PGR: variants seen among roughly 807,000 people sequenced by gnomAD.
PGR encodes progesterone receptor.
Under a neutral mutation model 76.1 loss-of-function variants are expected in PGR, and 25 were observed. The observed-to-expected ratio is 0.33, with a 90% CI of 0.24 to 0.46. PGR has a LOEUF of 0.46. Ranked by LOEUF, PGR falls within the 20% of genes least tolerant of loss-of-function variation. PGR has a pLI of 1.00. For synonymous variants in PGR, 579 were observed against 535.0 expected, an observed-to-expected ratio of 1.08 and a Z score of -1.14; for missense variants, 1,172 against 1,225.3, an observed-to-expected ratio of 0.96 and a Z score of 0.65.
chr11:101,114,331 C>CAA (rs1565365399), intron 2 of PGR, among the ~76,000 whole-genome samples: 1 of 152,068 alleles, frequency 6.6e-6, no homozygotes, highest in African/African-American at 2.4e-5. Context: ...AATCCAGGCA[C>CAA]AAAACGGCAT....
At position 101,032,853 on chromosome 11, in the gene PGR, A is replaced by G. The variant is rs1391208364; in HGVS notation, c.*6263T>C. ...GACGGGAACACTGGTAATCTCCACA[A>G]TCTAGCAGAGTGACTGGCATACAGC... On this transcript the variant is annotated 3_prime_UTR_variant, in exon 8 of 8. Transcript: ENST00000325455. 4.3e-5 allele frequency: 8 copies of G among 187,910 alleles called. No individual in the cohort carries two copies. Among genetic ancestry groups the G allele is most frequent in the East Asian group, 2.6e-4 (3 of 11,674 alleles). The allele number at this position is 187,910 out of a possible 1,614,324, so 11.6% of individuals were successfully genotyped here.
intron 2 of PGR, among the ~76,000 whole-genome samples, chr11:101,112,367 G>A (rs7106686): frequency 0.19 from 28,532 of 151,996 alleles, 3,254 homozygotes; most frequent in African/African-American, 0.32. Context: ...TAAATGTTGC[G>A]GGAGGATTGG....
chr11:101,101,841 T>C (rs781300697), intron 2 of PGR, among the ~76,000 whole-genome samples: 2 of 152,254 alleles, frequency 1.3e-5, no homozygotes, highest in South Asian at 2.1e-4. Flanking sequence ...TAAAACATTA[T>C]GAGTTTTAAT....
intron 3 of PGR, among the ~76,000 whole-genome samples, chr11:101,064,658 CTTTA>C (rs1019211616): frequency 6.6e-6 from 1 of 152,050 alleles, no homozygotes; most frequent in African/African-American, 2.4e-5. Flanking sequence ...TGTTTGTCAC[CTTTA>C]TTTATTTTTT....
intron 3 of PGR, among the ~76,000 whole-genome samples, chr11:101,073,728 T>C (rs1020162405): frequency 5.3e-5 from 8 of 152,128 alleles, no homozygotes; most frequent in African/African-American, 1.9e-4. Context: ...CTAGAAAATC[T>C]AGAAGAAATG....
At chr11:101,122,572 C>A (rs1862712909) in intron 2 of PGR, among the ~76,000 whole-genome samples, 1 of 152,220 alleles carries the variant, frequency 6.6e-6, no homozygotes, top group African/African-American at 2.4e-5. Flanking sequence ...TCACTCCAAA[C>A]CTACAAGTCT....
intron 6 of PGR, among the ~76,000 whole-genome samples, chr11:101,045,691 G>T (rs534731413): frequency 6.6e-6 from 1 of 150,826 alleles, no homozygotes; most frequent in South Asian, 2.1e-4. Flanking sequence ...GTGTGTGTGT[G>T]TGTGTATGTA....
intron 2 of PGR, among the ~76,000 whole-genome samples, chr11:101,116,565 C>A (rs1862516875): frequency 6.6e-6 from 1 of 152,084 alleles, no homozygotes; most frequent in Admixed American, 6.5e-5. Context: ...CACGGTGAAA[C>A]CCTGTCTCTA....
At chr11:101,053,502 T>A (rs1052694969) in intron 4 of PGR, among the ~76,000 whole-genome samples, 1 of 150,446 alleles carries the variant, frequency 6.6e-6, no homozygotes, top group Admixed American at 6.6e-5. Context: ...CTTCCCACCT[T>A]TCCTCCCTCC....
In PGR at chr11:101,035,056, T is replaced by C. The variant is rs899853773; in HGVS notation, c.*4060A>G. 1 of 203,058 alleles carries C rather than the reference T, an allele frequency of 4.9e-6. No homozygotes were observed. Among genetic ancestry groups the C allele is most frequent in the Non-Finnish European group, 1.0e-5 (1 of 98,976 alleles). The allele number at this position is 203,058 out of a possible 1,614,324, so 12.6% of individuals were successfully genotyped here. On this transcript the variant is annotated 3_prime_UTR_variant, in exon 8 of 8. Transcript: ENST00000325455. ...GAACTTTTGCTAGACTATCTGGCTATGTATTTTCTGTAAAATTTTAAGAGA... is the reference window on the plus strand; with the variant it reads ...GAACTTTTGCTAGACTATCTGGCTACGTATTTTCTGTAAAATTTTAAGAGA...
At chr11:101,065,707 A>G (rs1412352994) in intron 3 of PGR, among the ~76,000 whole-genome samples, 2 of 152,268 alleles carry the variant, frequency 1.3e-5, no homozygotes, top group East Asian at 3.9e-4. Context: ...TGCCCGCTGC[A>G]TTGACATCAG....
In PGR at chr11:101,038,738, CAT is replaced by C. The variant is rs1300070666; in HGVS notation, c.*376_*377del. On this transcript the variant is annotated 3_prime_UTR_variant, in exon 8 of 8. Coordinates refer to ENST00000325455, the MANE Select transcript of PGR (RefSeq NM_000926.4). ...CACAAAGGGAGTTACCTAGAAATAA[CAT>C]ATAATAGCTTTGTGTTATTACATGT... 4.2e-6 allele frequency: 1 copy of C among 238,396 alleles called. No homozygotes were observed. Among genetic ancestry groups the C allele is most frequent in the Non-Finnish European group, 8.2e-6 (1 of 121,480 alleles). 14.8% of individuals were successfully genotyped at this position (238,396 alleles called of 1,614,324 possible). A position where few individuals can be genotyped will look rare whatever the true frequency, so the allele number is the denominator to read the frequency against.
chr11:101,116,598 G>A (rs1046873531), intron 2 of PGR, among the ~76,000 whole-genome samples: 1 of 151,932 alleles, frequency 6.6e-6, no homozygotes, highest in Admixed American at 6.6e-5. Flanking sequence ...AAATTAGCTG[G>A]GCATGGTGGT....
chr11:101,120,349 T>C (rs1410732756), intron 2 of PGR, among the ~76,000 whole-genome samples: 1 of 152,230 alleles, frequency 6.6e-6, no homozygotes, highest in African/African-American at 2.4e-5. Context: ...AATCAAATCA[T>C]CTTAGCAGCA....
At chr11:101,097,495 T>A (rs926510264) in intron 2 of PGR, among the ~76,000 whole-genome samples, 1 of 152,238 alleles carries the variant, frequency 6.6e-6, no homozygotes, top group African/African-American at 2.4e-5. Flanking sequence ...TTTGATACTT[T>A]TAACTCTTGT....
chr11:101,048,372 T>C (rs1405497772), intron 6 of PGR, among the ~76,000 whole-genome samples: 2 of 152,162 alleles, frequency 1.3e-5, no homozygotes, highest in Non-Finnish European at 2.9e-5. Flanking sequence ...CACTTAATGA[T>C]GGGGATATAT....
chr11:101,089,619 T>C (rs1286154348), intron 3 of PGR, among the ~76,000 whole-genome samples: 2 of 146,222 alleles, frequency 1.4e-5, no homozygotes, highest in Non-Finnish European at 3.0e-5. Context: ...ATCTGGTAAC[T>C]AGAAAGGGCT....
Position 101,127,691 on chromosome 11 carries a change from G to A in PGR, c.1380C>T (p.Cys460=). 1 of 1,580,956 alleles carries A rather than the reference G, an allele frequency of 6.3e-7. No individual in the cohort carries two copies. Among genetic ancestry groups the A allele is most frequent in the South Asian group, 1.1e-5 (1 of 88,170 alleles). The stretch of plus-strand genomic sequence containing the variant: ...GCGCGCCCTCCGCTTTGTACAGGAT[G>A]CACTCCAGGGTCGACCCCGAGGAGG... The part of the protein sequence containing the change: ...SASSSGSTLE[C]ILYKAEGAPP... Residue 460 remains cysteine, a synonymous_variant, in exon 1 of 8, where the codon TGC becomes TGT. Coordinates refer to ENST00000325455, the MANE Select transcript of PGR (RefSeq NM_000926.4).
At chr11:101,124,634 A>G (rs1862783758) in intron 2 of PGR, among the ~76,000 whole-genome samples, 4 of 152,322 alleles carry the variant, frequency 2.6e-5, no homozygotes, top group South Asian at 2.1e-4. Flanking sequence ...ATATTAATGC[A>G]GAAGGCAATG....
Sources: allele counts gnomAD v4.1 joint callset (sites outside exome capture counted in the v4.1 genomes callset), GRCh38; gene constraint gnomAD v4.1.1; transcripts MANE v1.5; gene names NCBI Gene and HGNC (gene_info 2026-07-23, HGNC 2026-07-21).